ERI3: variants seen among roughly 807,000 people sequenced by gnomAD.
ERI3 encodes ERI1 exoribonuclease family member 3.
A neutral mutation model predicts 44.4 loss-of-function variants in ERI3; 18 were observed. The ratio of observed to expected loss-of-function variants is 0.41; its 90% CI spans 0.28 to 0.60. The LOEUF (loss-of-function observed/expected upper bound fraction) is 0.60, where lower values mean the gene tolerates loss of function less well. ERI3 is among the 20% of genes least tolerant of loss of function. ERI3 has a pLI of 0.36. For synonymous variants in ERI3, 183 were observed against 164.8 expected (o/e 1.11, Z -0.84); for missense variants, 294 against 435.5 (o/e 0.68, Z 2.89).
chr1:44,343,348 T>A (rs561571551), intron 2 of ERI3, among the ~76,000 whole-genome samples: 47 of 152,268 alleles, frequency 3.1e-4, no homozygotes, highest in Non-Finnish European at 5.7e-4. Context: ...AGTAGTAATT[T>A]TATGATGGAG....
At chr1:44,341,076 C>T (rs1240223322) in intron 2 of ERI3, among the ~76,000 whole-genome samples, 1 of 152,242 alleles carries the variant, frequency 6.6e-6, no homozygotes, top group African/African-American at 2.4e-5. Flanking sequence ...TAATGTTCTA[C>T]AGTGTGCACA....
intron 6 of ERI3, among the ~76,000 whole-genome samples, chr1:44,286,451 T>G (rs1209883531): frequency 6.6e-6 from 1 of 152,140 alleles, no homozygotes; most frequent in Non-Finnish European, 1.5e-5. Flanking sequence ...AGGTCTGGAA[T>G]AAGACCATGG....
chr1:44,317,592 G>C (rs1371629088), intron 4 of ERI3, among the ~76,000 whole-genome samples: 2 of 152,090 alleles, frequency 1.3e-5, no homozygotes, highest in Non-Finnish European at 2.9e-5. Flanking sequence ...GATGGAGATG[G>C]ATCAGGTCTA....
intron 7 of ERI3, among the ~76,000 whole-genome samples, chr1:44,270,792 C>T (rs1645073973): frequency 6.7e-6 from 1 of 149,036 alleles, no homozygotes; most frequent in Admixed American, 6.7e-5. Context: ...GACAGAATCC[C>T]AGCTGCCTTG....
chr1:44,274,304 G>A (rs1645140348), intron 7 of ERI3, among the ~76,000 whole-genome samples: 1 of 152,190 alleles, frequency 6.6e-6, no homozygotes, highest in Admixed American at 6.5e-5. Context: ...GCGCTTTATG[G>A]GCTAGTCAAA....
At chr1:44,236,552 G>C (rs537298913) in intron 8 of ERI3, among the ~76,000 whole-genome samples, 54 of 152,218 alleles carry the variant, frequency 3.5e-4, no homozygotes, top group Non-Finnish European at 6.5e-4. Context: ...GAGTTAATTA[G>C]GTTGTGGGGT....
At chr1:44,248,796 G>A (rs745655998) in intron 7 of ERI3, among the ~76,000 whole-genome samples, 8 of 151,798 alleles carry the variant, frequency 5.3e-5, no homozygotes, top group African/African-American at 9.7e-5. Flanking sequence ...GCCACCCATC[G>A]ATCTGTACTT....
rs1359654474 is a variant in ERI3, at chr1:44,228,082, C to T, written c.932-6442G>A. Among the ~76,000 whole-genome samples the T allele has an allele frequency of 2.0e-5, 3 of 152,000 alleles. No individual in the cohort carries two copies. The highest frequency in any genetic ancestry group is 7.3e-5 in the African/African-American group (3 of 41,360). Reference sequence around the variant, plus strand: ...GACATGGCCTACACAGTCCCCTGCGCCCCCATTCACGGCCACCTTGGCCCA... The same window carrying T: ...GACATGGCCTACACAGTCCCCTGCGTCCCCATTCACGGCCACCTTGGCCCA... On this transcript the variant is annotated intron_variant, in intron 8 of 8. Coordinates refer to ENST00000372257, the MANE Select transcript of ERI3 (RefSeq NM_024066.3). The surrounding 1 kb of genome is among the most constrained non-coding windows in gnomAD (Gnocchi z 4.3).
At chr1:44,316,200 C>A (rs1236479405) in intron 4 of ERI3, among the ~76,000 whole-genome samples, 3 of 152,142 alleles carry the variant, frequency 2.0e-5, no homozygotes, top group Non-Finnish European at 4.4e-5. Context: ...AGCTTTCACT[C>A]CTTACAATGA....
At chr1:44,223,809 C>G (rs944022468) in intron 8 of ERI3, among the ~76,000 whole-genome samples, 2 of 152,154 alleles carry the variant, frequency 1.3e-5, no homozygotes, top group Non-Finnish European at 2.9e-5. Context: ...TGTCCTTGAC[C>G]TCTCCCCACT....
chr1:44,266,753 T>TA (rs1338596255), intron 7 of ERI3, among the ~76,000 whole-genome samples: 1 of 152,258 alleles, frequency 6.6e-6, no homozygotes, highest in African/African-American at 2.4e-5. Flanking sequence ...ATTGAATACC[T>TA]ACCATAAACC....
chr1:44,346,900 G>A (rs1646795460), intron 2 of ERI3, among the ~76,000 whole-genome samples: 1 of 152,184 alleles, frequency 6.6e-6, no homozygotes, highest in African/African-American at 2.4e-5. Flanking sequence ...ATAAAAGGGA[G>A]CTGTTACTAC....
intron 3 of ERI3, chr1:44,323,032 T>C: frequency 1.1e-6 from 1 of 951,760 alleles, no homozygotes; most frequent in Non-Finnish European, 1.4e-6. Context: ...ACCTTTTCTC[T>C]CAGCCAATTT....
At chr1:44,231,228 G>A (rs192706149) in intron 8 of ERI3, among the ~76,000 whole-genome samples, 106 of 152,232 alleles carry the variant, frequency 7.0e-4, no homozygotes, top group African/African-American at 2.3e-3. Context: ...AAAAAGTTTC[G>A]AATTTTGGAG....
chr1:44,299,278 G>A (rs1433339336), intron 6 of ERI3, among the ~76,000 whole-genome samples: 2 of 152,042 alleles, frequency 1.3e-5, no homozygotes, highest in Non-Finnish European at 2.9e-5. Flanking sequence ...AAACTCCTGG[G>A]ATCAAGCAAT....
chr1:44,255,943 A>G (rs1437808212), intron 7 of ERI3, among the ~76,000 whole-genome samples: 1 of 152,166 alleles, frequency 6.6e-6, no homozygotes, highest in African/African-American at 2.4e-5. Context: ...CTCTTTCAAC[A>G]TTCAATTCAA....
chr1:44,259,359 G>C lies in ERI3; in HGVS notation c.832-11321C>G, dbSNP rs550381502. ...CTGGGGGCATGCTAAGGCCTGGAAG[G>C]AATCAAATCAACGCCAGAGTCCCTG... On this transcript the variant is annotated intron_variant, in intron 7 of 8. Coordinates refer to ENST00000372257, the MANE Select transcript of ERI3 (RefSeq NM_024066.3). 1.1e-4 allele frequency among the ~76,000 whole-genome samples: 17 copies of C among 152,198 alleles called. No homozygotes were observed. In the East Asian group the frequency reaches 3.3e-3, roughly 29 times the overall value.
rs115339824 is a variant in ERI3, at chr1:44,264,116, C to T, written c.832-16078G>A. Among the ~76,000 whole-genome samples, 633 of 152,322 alleles carry T rather than the reference C, an allele frequency of 4.2e-3. 2 individuals are homozygous for T. Among genetic ancestry groups the T allele is most frequent in the Admixed American group, 5.9e-3 (91 of 15,302 alleles). On this transcript the variant is annotated intron_variant, in intron 7 of 8. Coordinates refer to ENST00000372257, the MANE Select transcript of ERI3 (RefSeq NM_024066.3). ...AAGTTGGGTCCTAATGTGTAAAAAG[C>T]TCCAGCAAAGCGAAATCATTTACTC...
At chr1:44,267,968 G>A (rs1043191406) in intron 7 of ERI3, among the ~76,000 whole-genome samples, 10 of 152,212 alleles carry the variant, frequency 6.6e-5, no homozygotes, top group African/African-American at 2.2e-4. Flanking sequence ...CTAGCTCATC[G>A]GGGTAGCTCA....
Sources: gnomAD v4.1 joint callset for allele counts (sites outside exome capture counted in the v4.1 genomes callset) on GRCh38, gnomAD v4.1.1 for gene constraint, Gnocchi (gnomAD v3.1) non-coding constraint, MANE v1.5 for transcripts, NCBI Gene and HGNC (gene_info 2026-07-23, HGNC 2026-07-21) for gene names.